CCDC33: variants seen among roughly 807,000 people sequenced by gnomAD.
The protein encoded by CCDC33 is coiled-coil domain containing 33.
Under a neutral mutation model 91.9 loss-of-function variants are expected in CCDC33, and 94 were observed. That is an observed-to-expected ratio of 1.02 (90% CI 0.87 to 1.21). The LOEUF (loss-of-function observed/expected upper bound fraction) is 1.21. Among genes scored for constraint, CCDC33 ranks in the 50% most tolerant of loss-of-function variants. The probability of loss-of-function intolerance (pLI) is 0.00; values close to 1 mark genes in which losing one functional copy is unlikely to be tolerated. For missense variants in CCDC33, 940 were observed against 935.5 expected (o/e 1.00, Z -0.06); for synonymous variants, 396 against 374.5 (o/e 1.06, Z -0.66).
At chr15:74,221,756 G>A (rs2074603709) in intron 2 of CCDC33, among the ~76,000 whole-genome samples, 1 of 152,174 alleles carries the variant, frequency 6.6e-6, no homozygotes, top group South Asian at 2.1e-4. Context: ...CCCACCTAGA[G>A]GGCTAACTAT....
intron 2 of CCDC33, among the ~76,000 whole-genome samples, chr15:74,248,715 G>C (rs1267440568): frequency 6.6e-6 from 1 of 152,098 alleles, no homozygotes; most frequent in Non-Finnish European, 1.5e-5. Context: ...CACCAGGCTT[G>C]AGCCCATATA....
At chr15:74,262,394 A>C in intron 2 of CCDC33, 46 bp from the exon 3 acceptor site, 1 of 1,609,412 alleles carries the variant, frequency 6.2e-7, no homozygotes, top group Non-Finnish European at 8.5e-7. Flanking sequence ...GACAAGCAGC[A>C]GACAGAACCC....
intron 11 of CCDC33, among the ~76,000 whole-genome samples, chr15:74,309,144 C>G (rs542232908): frequency 4.7e-4 from 72 of 152,292 alleles, no homozygotes; most frequent in Non-Finnish European, 9.7e-4. Flanking sequence ...CATGCTACCC[C>G]CCGCCCTGAA....
At chr15:74,261,742 C>T (rs149099553) in intron 2 of CCDC33, among the ~76,000 whole-genome samples, 1,592 of 152,284 alleles carry the variant, frequency 0.01, 13 homozygotes, top group Middle Eastern at 0.017. Context: ...GCAGAGGGCC[C>T]AAGCTTACCT....
chr15:74,272,914 C>T (rs368010539), intron 7 of CCDC33, 23 bp downstream of exon 7: 5 of 1,613,612 alleles, frequency 3.1e-6, no homozygotes, highest in Non-Finnish European at 3.4e-6. Context: ...CCCAGTGGTT[C>T]CAGCTTCCTG....
intron 10 of CCDC33, among the ~76,000 whole-genome samples, chr15:74,288,443 A>C (rs966929326): frequency 6.6e-6 from 1 of 152,182 alleles, no homozygotes; most frequent in African/African-American, 2.4e-5. Context: ...TTAGAGGTAG[A>C]GTAGGAACAT....
At chr15:74,332,656 A>G (rs752422956) in intron 15 of CCDC33, 23 bp from the exon 16 acceptor site, 1 of 1,610,902 alleles carries the variant, frequency 6.2e-7, no homozygotes, top group Non-Finnish European at 8.5e-7. Context: ...CCATCTCACC[A>G]ACATCTGTGG....
chr15:74,231,030 C>G (rs1235877286), intron 2 of CCDC33, among the ~76,000 whole-genome samples: 1 of 152,200 alleles, frequency 6.6e-6, no homozygotes, highest in Non-Finnish European at 1.5e-5. Flanking sequence ...ATCACAAAGT[C>G]TGCTCTGAGA....
At chr15:74,309,938 A>G (rs2059960503) in intron 11 of CCDC33, among the ~76,000 whole-genome samples, 1 of 151,822 alleles carries the variant, frequency 6.6e-6, no homozygotes, top group Non-Finnish European at 1.5e-5. Flanking sequence ...ACTTGAGACC[A>G]GGAGCTTGAG....
intron 7 of CCDC33, among the ~76,000 whole-genome samples, chr15:74,278,021 A>T (rs572316652): frequency 3.9e-5 from 6 of 152,124 alleles, no homozygotes; most frequent in Non-Finnish European, 8.8e-5. Context: ...TGGTTTGGGG[A>T]TCAATCTTGA....
intron 1 of CCDC33, among the ~76,000 whole-genome samples, chr15:74,203,913 G>A (rs964172714): frequency 6.6e-6 from 1 of 152,154 alleles, no homozygotes; most frequent in Non-Finnish European, 1.5e-5. Flanking sequence ...ATGGGGATGG[G>A]GGTGGGGGAA....
chr15:74,205,487 G>A lies in CCDC33; in HGVS notation n.89+2389G>A, dbSNP rs377765403. On this transcript the variant is annotated intron_variant and non_coding_transcript_variant, in intron 1 of 3. Transcript: ENST00000558645. ...CAGCTCTCACATGAACTGATAGAGCGAGAACTCACTCATTACCACAGGGAG... is the reference window on the plus strand; with the variant it reads ...CAGCTCTCACATGAACTGATAGAGCAAGAACTCACTCATTACCACAGGGAG... 1.2e-3 allele frequency among the ~76,000 whole-genome samples: 180 copies of A among 152,282 alleles called. 1 individual carries two copies. Among genetic ancestry groups the A allele is most frequent in the African/African-American group, 3.5e-3 (147 of 41,548 alleles).
At position 74,217,286 on chromosome 15, in the gene CCDC33, G is replaced by A. The variant is rs778866139; in HGVS notation, c.15G>A (p.Gly5=). The change falls in exon 1 of 3, where the codon GGG becomes GGA. Residue 5 remains glycine (G), a synonymous_variant. Transcript: ENST00000635913. ...TCTCAGTGGCCATGGCATTCAGGGG[G>A]CCTGAACCCTGGGTCTCTGCATCCC... 3.9e-6 allele frequency: 5 copies of A among 1,277,208 alleles called. No homozygotes were observed. In the South Asian group the frequency reaches 5.2e-5, roughly 13 times the overall value. 79.1% of individuals were successfully genotyped at this position (1,277,208 alleles called of 1,614,324 possible). A position where few individuals can be genotyped will look rare whatever the true frequency, so the allele number is the denominator to read the frequency against.
At chr15:74,269,143 A>G (rs1197007061) in intron 5 of CCDC33, among the ~76,000 whole-genome samples, 1 of 152,030 alleles carries the variant, frequency 6.6e-6, no homozygotes, top group Non-Finnish European at 1.5e-5. Flanking sequence ...AGCAGACATG[A>G]TGCAGGGACC....
At chr15:74,281,675 AGCCC>A in intron 9 of CCDC33, 99 bp from the exon 10 acceptor site, 1 of 1,047,740 alleles carries the variant, frequency 9.5e-7, no homozygotes, top group Non-Finnish European at 1.4e-6. Flanking sequence ...TCCTGGGTGC[AGCCC>A]GCAGGTGACA....
chr15:74,273,830 AT>A (rs34131427), intron 7 of CCDC33, among the ~76,000 whole-genome samples: 11 of 132,472 alleles, frequency 8.3e-5, no homozygotes, highest in Middle Eastern at 4.3e-3. Context: ...GCAGTCTTGA[AT>A]TTTTTTTTTT....
intron 2 of CCDC33, among the ~76,000 whole-genome samples, chr15:74,225,303 T>C (rs1375733718): frequency 6.6e-6 from 1 of 151,868 alleles, no homozygotes; most frequent in Non-Finnish European, 1.5e-5. Context: ...GAAATTATCT[T>C]CACAGTGAAG....
At position 74,236,604 on chromosome 15, in the gene CCDC33, A is replaced by G. The variant is rs1056410197; in HGVS notation, c.-116A>G. ...TCCATACTGTCTACTACCCATAAGG[A>G]CTCCAAGACGCCCAGGCCAGCTGTC... On this transcript the variant is annotated 5_prime_UTR_variant, in exon 1 of 19. Transcript: ENST00000398814. 4 of 819,276 alleles carry G rather than the reference A, an allele frequency of 4.9e-6. No individual in the cohort carries two copies. In the African/African-American group the frequency reaches 5.2e-5, roughly 11 times the overall value. The allele number at this position is 819,276 out of a possible 1,614,324, so 50.8% of individuals were successfully genotyped here. A position where few individuals can be genotyped will look rare whatever the true frequency, so the allele number is the denominator to read the frequency against.
chr15:74,331,537 T>C (rs2060439198), intron 15 of CCDC33, among the ~76,000 whole-genome samples: 1 of 152,114 alleles, frequency 6.6e-6, no homozygotes, highest in Non-Finnish European at 1.5e-5. Flanking sequence ...TGGGATGCAG[T>C]GTGAGCCAGG....
Sources: gnomAD v4.1 joint callset for allele counts (sites outside exome capture counted in the v4.1 genomes callset) on GRCh38, gnomAD v4.1.1 for gene constraint, MANE v1.5 for transcripts, NCBI Gene and HGNC (gene_info 2026-07-23, HGNC 2026-07-21) for gene names.